Variants in P4HA1 observed in about 807,000 individuals in gnomAD.
P4HA1 encodes prolyl 4-hydroxylase subunit alpha 1, also known as prolyl 4-hydroxylase subunit alpha-1.
In P4HA1, 24 loss-of-function variants were observed where a neutral mutation model predicts 72.8. That is an observed-to-expected ratio of 0.33 (90% CI 0.24 to 0.46). P4HA1 has a LOEUF of 0.46. Ranked by LOEUF, P4HA1 falls within the 20% of genes least tolerant of loss-of-function variation. P4HA1 has a pLI of 1.00. For missense variants in P4HA1, 446 were observed against 640.6 expected (o/e 0.70, Z 3.28); for synonymous variants, 201 against 218.8 (o/e 0.92, Z 0.72).
intron 9 of P4HA1, chr10:73,043,984 C>G (rs768829179): frequency 2.2e-5 from 34 of 1,569,404 alleles, no homozygotes; most frequent in Non-Finnish European, 2.8e-5. Flanking sequence ...AGGACAAGGA[C>G]TTACTCCAGT....
intron 5 of P4HA1, among the ~76,000 whole-genome samples, chr10:73,059,554 T>C (rs1224921204): frequency 7.1e-6 from 1 of 140,492 alleles, no homozygotes; most frequent in Non-Finnish European, 1.5e-5. Flanking sequence ...CCAACCTGGC[T>C]AACATGGTGA....
rs201931926 is a variant in P4HA1, at chr10:73,073,840, G to A, written c.77-13C>T. 31 of 1,287,062 alleles carry A rather than the reference G, an allele frequency of 2.4e-5. No individual in the cohort carries two copies. The highest frequency in any genetic ancestry group is 3.4e-5 in the Non-Finnish European group (30 of 883,596). 79.7% of individuals were successfully genotyped at this position (1,287,062 alleles called of 1,614,324 possible). On this transcript the variant is annotated splice_polypyrimidine_tract_variant and intron_variant, in intron 2 of 14. Transcript: ENST00000394890. Reference sequence around the variant, plus strand: ...TCAGTCATCTGACCTAGAAGGGGAAGAAGGTTATCAAATACTCATATCCTT... The same window carrying A: ...TCAGTCATCTGACCTAGAAGGGGAAAAAGGTTATCAAATACTCATATCCTT...
chr10:73,017,189 ATC>A (rs1840026450), intron 10 of P4HA1, among the ~76,000 whole-genome samples: 2 of 138,174 alleles, frequency 1.4e-5, no homozygotes, highest in African/African-American at 6.5e-5. Flanking sequence ...AGATATCTAT[ATC>A]TACAGATGTA....
At chr10:73,065,602 G>A (rs1019417937) in intron 5 of P4HA1, 5 of 152,112 alleles carry the variant, frequency 3.3e-5, no homozygotes, top group African/African-American at 1.2e-4. Flanking sequence ...ACCAAGAGCT[G>A]GCAAGGATAT....
At chr10:73,059,481 C>T (rs1401539244) in intron 5 of P4HA1, among the ~76,000 whole-genome samples, 14 of 135,510 alleles carry the variant, frequency 1.0e-4, no homozygotes, top group African/African-American at 3.9e-4. Flanking sequence ...CAGTGGCTCA[C>T]GCCTGTAATC....
chr10:73,042,534 T>C (rs1840761012), intron 9 of P4HA1, among the ~76,000 whole-genome samples: 3 of 152,218 alleles, frequency 2.0e-5, no homozygotes, highest in Admixed American at 2.0e-4. Context: ...TTCTAAAAAA[T>C]GATTACTTTA....
intron 4 of P4HA1, among the ~76,000 whole-genome samples, chr10:73,070,800 A>C (rs1024010935): frequency 6.6e-6 from 1 of 152,194 alleles, no homozygotes; most frequent in African/African-American, 2.4e-5. Context: ...AATGACTACT[A>C]CAGATTAAAA....
At chr10:73,030,946 A>G (rs1200934565) in intron 9 of P4HA1, among the ~76,000 whole-genome samples, 3 of 152,194 alleles carry the variant, frequency 2.0e-5, no homozygotes, top group African/African-American at 7.2e-5. Context: ...CCACTTTGGA[A>G]AACAGTTTGG....
rs1840921160 is a variant in P4HA1 at position 73,048,210 on chromosome 10, TAA to T, written c.901-1111_901-1110del. ...TCAAATCCAAGGCTTTAATTTTTAG[TAA>T]GTCTTTTATATAATGATGAGATGAA... On this transcript the variant is annotated intron_variant, in intron 7 of 14. Coordinates refer to ENST00000394890, the MANE Select transcript of P4HA1 (RefSeq NM_001017962.3). Among the ~76,000 whole-genome samples, 4 of 152,338 alleles carry T rather than the reference TAA, an allele frequency of 2.6e-5. No individual in the cohort carries two copies. The East Asian group carries it at 7.7e-4, about 29-fold the overall frequency.
chr10:73,081,789 C>T (rs1348810112), intron 1 of P4HA1, among the ~76,000 whole-genome samples: 1 of 152,240 alleles, frequency 6.6e-6, no homozygotes, highest in Non-Finnish European at 1.5e-5. Flanking sequence ...AATCCCAGCA[C>T]TTTGGGAGGC....
chr10:73,034,229 T>G (rs986358471), intron 9 of P4HA1, among the ~76,000 whole-genome samples: 2 of 152,032 alleles, frequency 1.3e-5, no homozygotes, highest in Admixed American at 1.3e-4. Context: ...AAATAAAAAT[T>G]TGTGGTAAAA....
At position 73,009,389 on chromosome 10, in the gene P4HA1, T is replaced by C. The variant is rs1051730257; in HGVS notation, c.1534+418A>G. Among the ~76,000 whole-genome samples, 110 of 152,350 alleles carry C rather than the reference T, an allele frequency of 7.2e-4. 1 individual carries two copies. Among genetic ancestry groups the C allele is most frequent in the Middle Eastern group, 3.4e-3 (1 of 294 alleles). Reference sequence around the variant, plus strand: ...ATTAGAACCTGGTATCTAACATGTTTGGAAAACTGCTGTTCTATCTTCAGG... The same window carrying C: ...ATTAGAACCTGGTATCTAACATGTTCGGAAAACTGCTGTTCTATCTTCAGG... On this transcript the variant is annotated intron_variant, in intron 14 of 14. Coordinates refer to ENST00000394890, the MANE Select transcript of P4HA1 (RefSeq NM_001017962.3).
intron 10 of P4HA1, among the ~76,000 whole-genome samples, chr10:73,022,490 G>C (rs1456021330): frequency 1.3e-5 from 2 of 152,160 alleles, no homozygotes; most frequent in African/African-American, 4.8e-5. Context: ...CCATCTGTAG[G>C]TCACCAACAT....
chr10:73,068,726 T>C, intron 5 of P4HA1, 120 bp downstream of exon 5: 1 of 802,688 alleles, frequency 1.2e-6, no homozygotes, highest in Non-Finnish European at 2.0e-6. Context: ...TCGAAGGCTA[T>C]GAAACAAACT....
At chr10:73,012,906 G>A (rs761937484) in intron 12 of P4HA1, among the ~76,000 whole-genome samples, 4 of 151,914 alleles carry the variant, frequency 2.6e-5, no homozygotes, top group Admixed American at 6.6e-5. Context: ...AGTGATTCTC[G>A]TGCCTCAGCC....
At chr10:73,064,273 G>A (rs909412650) in intron 5 of P4HA1, among the ~76,000 whole-genome samples, 4 of 151,982 alleles carry the variant, frequency 2.6e-5, no homozygotes, top group Non-Finnish European at 4.4e-5. Flanking sequence ...TCAGGAGTTC[G>A]AAACCAGCCT....
chr10:73,051,765 A>T (rs1043623482), intron 6 of P4HA1, among the ~76,000 whole-genome samples: 2 of 152,188 alleles, frequency 1.3e-5, no homozygotes, highest in Non-Finnish European at 1.5e-5. Flanking sequence ...GTCTCAAAAA[A>T]GACAGTTCTG....
chr10:73,014,107 T>C, intron 12 of P4HA1, 117 bp downstream of exon 12: 2 of 708,456 alleles, frequency 2.8e-6, no homozygotes, highest in South Asian at 1.8e-5. Context: ...CTTTATTCAG[T>C]TGTAAAAATG....
At chr10:73,048,795 T>C (rs1367922586) in intron 7 of P4HA1, among the ~76,000 whole-genome samples, 3 of 152,200 alleles carry the variant, frequency 2.0e-5, no homozygotes, top group African/African-American at 7.2e-5. Flanking sequence ...TTTGTATCTT[T>C]AAAAGATACA....
Sources: allele counts gnomAD v4.1 joint callset (sites outside exome capture counted in the v4.1 genomes callset), GRCh38; gene constraint gnomAD v4.1.1; transcripts MANE v1.5; gene names NCBI Gene and HGNC (gene_info 2026-07-23, HGNC 2026-07-21).